CAB39: variants seen among roughly 807,000 people sequenced by gnomAD.
The protein encoded by CAB39 is calcium-binding protein 39.
Under a neutral mutation model 40.0 loss-of-function variants are expected in CAB39, and 8 were observed. The observed-to-expected ratio is 0.20, with a 90% CI of 0.12 to 0.36. The LOEUF is 0.36. CAB39 is among the 10% of genes least tolerant of loss of function. The probability of loss-of-function intolerance (pLI) is 1.00; values close to 1 mark genes in which losing one functional copy is unlikely to be tolerated. For synonymous variants in CAB39, 156 were observed against 141.6 expected (o/e 1.10, Z -0.72); for missense variants, 270 against 401.1 (o/e 0.67, Z 2.79).
At position 230,723,667 on chromosome 2, in the gene CAB39, C is replaced by T. The variant is rs554878789; in HGVS notation, c.-44+10437C>T. On this transcript the variant is annotated intron_variant, in intron 1 of 8. Transcript: ENST00000258418. ...CTGGTTGGGCTTTGGTTGGGTTTAG[C>T]CAATGGAAGCCCTGGGCAGAAGATT... is the stretch of plus-strand genomic sequence containing the variant. 1.5e-3 allele frequency among the ~76,000 whole-genome samples: 224 copies of T among 152,222 alleles called. 1 individual carries two copies. The highest frequency in any genetic ancestry group is 5.2e-3 in the African/African-American group (217 of 41,542).
At chr2:230,753,743 C>CA (rs60868418) in intron 1 of CAB39, among the ~76,000 whole-genome samples, 6,806 of 85,094 alleles carry the variant, frequency 0.08, 255 homozygotes, top group Middle Eastern at 0.17. Flanking sequence ...GACTCCATCT[C>CA]AAAAAAAAAA....
intron 1 of CAB39, among the ~76,000 whole-genome samples, chr2:230,728,239 AAAAT>A (rs78505542): frequency 2.0e-3 from 311 of 151,928 alleles, no homozygotes; most frequent in African/African-American, 5.9e-3. Context: ...CTCCGTCTCA[AAAAT>A]AAATAAATAA....
rs1013109969 is a variant in CAB39 at position 230,820,336 on chromosome 2, T to G, written c.*1632T>G. On this transcript the variant is annotated 3_prime_UTR_variant, in exon 9 of 9. Transcript: ENST00000258418. ...TGCTGTTTCAGCAGGTTTTAAACCT[T>G]CAGGAACACCAGTTAGGAAAATAGC... The G allele has an allele frequency of 6.6e-6, 1 of 152,244 alleles. No individual in the cohort carries two copies. Among genetic ancestry groups the G allele is most frequent in the East Asian group, 1.9e-4 (1 of 5,204 alleles). 9.4% of individuals were successfully genotyped at this position (152,244 alleles called of 1,614,324 possible). A position where few individuals can be genotyped will look rare whatever the true frequency, so the allele number is the denominator to read the frequency against.
rs1408052300 is a variant in CAB39, at chr2:230,782,809, C to CTTTTTTT, written c.115-8060_115-8059insTTTTTTT. ...CTGCTGTTTCTTTCTTTCTTTCTTT[C>CTTTTTTT]TTTCTTTTTTTTTTTTTTTTTTTGA... On this transcript the variant is annotated intron_variant, in intron 2 of 8. Coordinates refer to ENST00000258418, the MANE Select transcript of CAB39 (RefSeq NM_016289.4). Among the ~76,000 whole-genome samples the CTTTTTTT allele has an allele frequency of 1.8e-3, 203 of 112,368 alleles. 11 individuals are homozygous for CTTTTTTT. The highest frequency in any genetic ancestry group is 8.0e-3 in the African/African-American group (167 of 20,996). 73.7% of individuals were successfully genotyped at this position (112,368 alleles called of 152,430 possible). A position where few individuals can be genotyped will look rare whatever the true frequency, so the allele number is the denominator to read the frequency against.
chr2:230,804,186 T>C (rs1696147442), intron 5 of CAB39, among the ~76,000 whole-genome samples: 1 of 152,220 alleles, frequency 6.6e-6, no homozygotes, highest in Non-Finnish European at 1.5e-5. Flanking sequence ...CTGGGAAAAC[T>C]GGCTAGCCAT....
rs188301108 is a variant in CAB39, at chr2:230,758,065, G to A, written c.-43-1894G>A. Among the ~76,000 whole-genome samples, 227 of 152,218 alleles carry A rather than the reference G, an allele frequency of 1.5e-3. 2 individuals are homozygous for A. Among genetic ancestry groups the A allele is most frequent in the African/African-American group, 5.2e-3 (217 of 41,520 alleles). Reference sequence around the variant, plus strand: ...TGTAATCCCAGCACTTTGGGAGGCCGAGGTGGGTGGCTCCCTTGAGGCCAG... The same window carrying A: ...TGTAATCCCAGCACTTTGGGAGGCCAAGGTGGGTGGCTCCCTTGAGGCCAG... On this transcript the variant is annotated intron_variant, in intron 1 of 8. Coordinates refer to ENST00000258418, the MANE Select transcript of CAB39 (RefSeq NM_016289.4).
chr2:230,776,754 G>A lies in CAB39; in HGVS notation c.115-14118G>A, dbSNP rs137955283. 9.6e-3 allele frequency among the ~76,000 whole-genome samples: 1,447 copies of A among 151,198 alleles called. 21 individuals are homozygous for A. Among genetic ancestry groups the A allele is most frequent in the African/African-American group, 0.032 (1,335 of 41,138 alleles). ...CACCCAGGCTGGCATGCGGTGGCACGATCTCGGCTCACTGCAAGCTCCACC... is the reference window on the plus strand; with the variant it reads ...CACCCAGGCTGGCATGCGGTGGCACAATCTCGGCTCACTGCAAGCTCCACC... On this transcript the variant is annotated intron_variant, in intron 2 of 8. Coordinates refer to ENST00000258418, the MANE Select transcript of CAB39 (RefSeq NM_016289.4).
intron 1 of CAB39, among the ~76,000 whole-genome samples, chr2:230,727,328 A>C (rs1694598431): frequency 6.7e-6 from 1 of 149,264 alleles, no homozygotes; most frequent in African/African-American, 2.5e-5. Context: ...ATAAGTATGT[A>C]TTTAAGAAGT....
chr2:230,759,247 C>T (rs895883818), intron 1 of CAB39, among the ~76,000 whole-genome samples: 2 of 152,090 alleles, frequency 1.3e-5, no homozygotes, highest in African/African-American at 2.4e-5. Context: ...CCTGTGACTG[C>T]CTGAATAAGA....
chr2:230,716,106 G>A (rs956975016), intron 1 of CAB39, among the ~76,000 whole-genome samples: 5 of 152,162 alleles, frequency 3.3e-5, no homozygotes, highest in African/African-American at 1.2e-4. Context: ...ATTCTAAGGT[G>A]TATTAATAAG....
At position 230,810,980 on chromosome 2, in the gene CAB39, A is replaced by G. The variant is rs1696293721; in HGVS notation, c.627+658A>G. On this transcript the variant is annotated intron_variant, in intron 6 of 8. Coordinates refer to ENST00000258418, the MANE Select transcript of CAB39 (RefSeq NM_016289.4). ...CCGCACAACTGCCTCTAGGGCTGCC[A>G]TGTGAAATGATCTCTTCCACCACTG... Among the ~76,000 whole-genome samples the G allele has an allele frequency of 2.6e-5, 4 of 152,196 alleles. 1 individual carries two copies. In the South Asian group the frequency reaches 8.3e-4, roughly 31 times the overall value.
At chr2:230,801,207 A>G (rs1348670924) in intron 5 of CAB39, among the ~76,000 whole-genome samples, 2 of 152,220 alleles carry the variant, frequency 1.3e-5, no homozygotes, top group Non-Finnish European at 2.9e-5. Context: ...CATGTGAAAG[A>G]GAGGACAGAC....
intron 1 of CAB39, among the ~76,000 whole-genome samples, chr2:230,745,618 T>C (rs1353537547): frequency 1.3e-5 from 2 of 152,148 alleles, no homozygotes; most frequent in Non-Finnish European, 2.9e-5. Flanking sequence ...ATTTTTTTCT[T>C]TTTTCTTTTT....
chr2:230,725,870 T>C (rs934679413), intron 1 of CAB39, among the ~76,000 whole-genome samples: 3 of 152,206 alleles, frequency 2.0e-5, no homozygotes, highest in Admixed American at 2.0e-4. Context: ...GTACAGTTTT[T>C]CCATAAAAGG....
Position 230,798,706 on chromosome 2 carries a change from T to G in CAB39, c.399-23T>G, listed in dbSNP as rs776856312. 3.8e-6 allele frequency: 6 copies of G among 1,569,688 alleles called. No homozygotes were observed. In the African/African-American group the frequency reaches 6.8e-5, roughly 18 times the overall value. ...AAAAAGCAATCATGTTTGGTTTGTT[T>G]GTTTGGTTTTTTGTTTTTGCAGGTA... On this transcript the variant is annotated intron_variant, in intron 4 of 8. Transcript: ENST00000258418.
intron 5 of CAB39, among the ~76,000 whole-genome samples, chr2:230,801,177 A>G (rs1025781379): frequency 4.6e-5 from 7 of 152,190 alleles, no homozygotes; most frequent in African/African-American, 1.7e-4. Context: ...AAAATTAAGC[A>G]GAGTCTACAG....
At position 230,818,518 on chromosome 2, in the gene CAB39, G is replaced by A; in HGVS notation, c.840G>A (p.Val280=). 1.9e-6 allele frequency: 3 copies of A among 1,613,538 alleles called. No individual in the cohort carries two copies. The highest frequency in any genetic ancestry group is 2.5e-6 in the Non-Finnish European group (3 of 1,179,684). ...IQFEAFHVFK[V]FVANPNKTQP... ...CATGTGCGTTTCTCTCCACGCAGGT[G>A]TTTGTAGCCAATCCTAACAAGACGC... Residue 280 remains valine, a splice_region_variant and synonymous_variant, in exon 9 of 9, where the codon GTG becomes GTA. Coordinates refer to ENST00000258418, the MANE Select transcript of CAB39 (RefSeq NM_016289.4).
chr2:230,819,538 T>C lies in CAB39; in HGVS notation c.*834T>C, dbSNP rs548701014. On this transcript the variant is annotated 3_prime_UTR_variant, in exon 9 of 9. Coordinates refer to ENST00000258418, the MANE Select transcript of CAB39 (RefSeq NM_016289.4). ...TAATTTGTACAGCAGAGGAATGTTA[T>C]TGTAGTAGTATGTAACTATTACCTA... 3.3e-5 allele frequency: 5 copies of C among 152,806 alleles called. No homozygotes were observed. The South Asian group carries it at 6.2e-4, about 19-fold the overall frequency. The allele number at this position is 152,806 out of a possible 1,614,324, so 9.5% of individuals were successfully genotyped here.
chr2:230,818,248 T>C (rs570835487), intron 8 of CAB39: 42 of 454,778 alleles, frequency 9.2e-5, no homozygotes, highest in African/African-American at 5.2e-4. Context: ...GCCCATTTTA[T>C]TCTAAAATCA....
Sources: gnomAD v4.1 joint callset for allele counts (sites outside exome capture counted in the v4.1 genomes callset) on GRCh38, gnomAD v4.1.1 for gene constraint, MANE v1.5 for transcripts, NCBI Gene and HGNC (gene_info 2026-07-23, HGNC 2026-07-21) for gene names.